The following NECTIN1 variants were observed in gnomAD, a reference collection of about 807,000 sequenced individuals.
NECTIN1 encodes the protein nectin cell adhesion molecule 1.
NECTIN1 carries 23 observed loss-of-function variants against 48.0 expected under a neutral mutation model. That is an observed-to-expected ratio of 0.48 (90% confidence interval 0.34 to 0.68). NECTIN1 has a LOEUF of 0.68. NECTIN1 is among the 30% of genes least tolerant of loss of function. The pLI, the probability that NECTIN1 is intolerant of heterozygous loss-of-function variation, is 0.01. For missense variants in NECTIN1, 591 were observed against 709.9 expected (o/e 0.83, Z 1.90); for synonymous variants, 270 against 288.9 (o/e 0.93, Z 0.66).
intron 1 of NECTIN1, among the ~76,000 whole-genome samples, chr11:119,697,209 A>AG (rs1216910038): frequency 1.3e-5 from 2 of 152,058 alleles, no homozygotes; most frequent in Admixed American, 6.5e-5. Context: ...CAGCCGAGAG[A>AG]GGGGGGTAGG....
intron 1 of NECTIN1, among the ~76,000 whole-genome samples, chr11:119,701,846 C>T (rs1865459578): frequency 6.6e-6 from 1 of 152,180 alleles, no homozygotes; most frequent in African/African-American, 2.4e-5. Flanking sequence ...CCAAATCCAC[C>T]TGCCTCCGCC....
At chr11:119,652,560 A>G (rs896730669) in intron 5 of NECTIN1, among the ~76,000 whole-genome samples, 1 of 152,182 alleles carries the variant, frequency 6.6e-6, no homozygotes, top group African/African-American at 2.4e-5. Context: ...AAAATCCTAC[A>G]TCTCTGATAG....
chr11:119,674,706 C>T (rs1565386428), intron 5 of NECTIN1: 9 of 1,614,170 alleles, frequency 5.6e-6, no homozygotes, highest in African/African-American at 1.3e-5. Context: ...GCTACATCTT[C>T]GCTTTCTCTC....
chr11:119,645,585 C>T (rs955290662), intron 5 of NECTIN1, among the ~76,000 whole-genome samples: 2 of 152,190 alleles, frequency 1.3e-5, no homozygotes, highest in Non-Finnish European at 2.9e-5. Flanking sequence ...AGGCTAAGCT[C>T]CTCAGCCTGT....
At chr11:119,680,902 T>C (rs1865049955) in intron 1 of NECTIN1, among the ~76,000 whole-genome samples, 1 of 152,094 alleles carries the variant, frequency 6.6e-6, no homozygotes, top group South Asian at 2.1e-4. Flanking sequence ...CAGCCACGAG[T>C]TGGGAAGGCT....
chr11:119,700,263 G>A (rs1265871122), intron 1 of NECTIN1, among the ~76,000 whole-genome samples: 1 of 152,192 alleles, frequency 6.6e-6, no homozygotes, highest in Non-Finnish European at 1.5e-5. Context: ...TCCCCTGGAA[G>A]GTTGCCCGTT....
chr11:119,657,614 T>TA (rs58262698), downstream of NECTIN1, among the ~76,000 whole-genome samples: 5,419 of 37,650 alleles, frequency 0.14, 434 homozygotes, highest in African/African-American at 0.25. Flanking sequence ...ACTTTGTCTT[T>TA]AAAAAAAAAA....
At chr11:119,691,598 GA>G (rs1251401698) in intron 1 of NECTIN1, among the ~76,000 whole-genome samples, 2 of 152,250 alleles carry the variant, frequency 1.3e-5, no homozygotes, top group Non-Finnish European at 1.5e-5. Context: ...CCAGTGCCCA[GA>G]AGGCTGAAAG....
Position 119,677,764 on chromosome 11 carries a change from G to C in NECTIN1, c.524C>G (p.Ala175Gly). 1 of 1,614,122 alleles carries C rather than the reference G, an allele frequency of 6.2e-7. No individual in the cohort carries two copies. Among genetic ancestry groups the C allele is most frequent in the Non-Finnish European group, 8.5e-7 (1 of 1,180,014 alleles). The change falls in exon 3 of 6, where the codon GCC becomes GGC. Residue 175 changes from alanine to glycine, a missense_variant. Transcript: ENST00000264025. The surrounding 1 kb of genome is among the most constrained non-coding windows in gnomAD (Gnocchi z 5.4). ...DKVLVATCTS[A>G]NGKPPSVVSW... ...TACCACACTGGGAGGCTTCCCATTGGCTGAGGTGCAGGTGGCCACCAGGAC... is the reference window on the plus strand; with the variant it reads ...TACCACACTGGGAGGCTTCCCATTGCCTGAGGTGCAGGTGGCCACCAGGAC...
Position 119,678,472 on chromosome 11 carries a change from C to T in NECTIN1, c.373G>A (p.Glu125Lys), listed in dbSNP as rs1163551430. The change falls in exon 2 of 6, where the codon GAG becomes AAG. Residue 125 changes from glutamate to lysine, a missense_variant. Transcript: ENST00000264025. This position sits in a 1 kb window ranked among gnomAD's most constrained non-coding sequence, Gnocchi z 4.4. ...ELEDEGVYICEFATFPTGNRE... is the reference protein window; with the variant it reads ...ELEDEGVYICKFATFPTGNRE... The stretch of plus-strand genomic sequence containing the variant: ...TTGCCCGTAGGGAAGGTAGCAAACT[C>T]GCAGATGTAGACACCCTCATCCTCC... 1.9e-6 allele frequency: 3 copies of T among 1,614,228 alleles called. No individual in the cohort carries two copies. The highest frequency in any genetic ancestry group is 1.6e-4 in the Middle Eastern group (1 of 6,062).
intron 1 of NECTIN1, among the ~76,000 whole-genome samples, chr11:119,693,714 C>G (rs746432503): frequency 3.3e-5 from 5 of 152,204 alleles, no homozygotes; most frequent in Non-Finnish European, 7.3e-5. Context: ...CTCCAACACA[C>G]CTCTAATGTT....
rs371706750 is a variant in NECTIN1, at chr11:119,709,094, C to T, written c.79+19381G>A. Among the ~76,000 whole-genome samples the T allele has an allele frequency of 6.6e-5, 10 of 152,208 alleles. No individual in the cohort carries two copies. In the East Asian group the frequency reaches 9.7e-4, roughly 15 times the overall value. ...TAGCCAACATATCGCACATATCCTG[C>T]ATGAGATGCCTGGGACCAGAGCGAC... On this transcript the variant is annotated intron_variant, in intron 1 of 5. Coordinates refer to ENST00000264025, the MANE Select transcript of NECTIN1 (RefSeq NM_002855.5). This position sits in a 1 kb window ranked among gnomAD's most constrained non-coding sequence, Gnocchi z 4.1.
chr11:119,676,951 G>A, intron 4 of NECTIN1, 151 bp downstream of exon 4: 1 of 705,366 alleles, frequency 1.4e-6, no homozygotes, highest in South Asian at 1.5e-5. Flanking sequence ...TTGGGGGTGG[G>A]GGTTGTTCTC....
chr11:119,703,239 T>C (rs1015710361), intron 1 of NECTIN1, among the ~76,000 whole-genome samples: 24 of 152,222 alleles, frequency 1.6e-4, no homozygotes, highest in Admixed American at 1.6e-3. Flanking sequence ...TGAGAAATGC[T>C]CCTGGCAGAG....
chr11:119,651,152 C>T (rs1864484830), intron 5 of NECTIN1, among the ~76,000 whole-genome samples: 1 of 152,120 alleles, frequency 6.6e-6, no homozygotes, highest in South Asian at 2.1e-4. Context: ...AATTTGACCT[C>T]TGGGAGGTAA....
chr11:119,700,056 G>A (rs1313960294), intron 1 of NECTIN1, among the ~76,000 whole-genome samples: 1 of 152,240 alleles, frequency 6.6e-6, no homozygotes, highest in African/African-American at 2.4e-5. Context: ...AGGCACTGTA[G>A]CGACAACCGT....
At chr11:119,698,562 T>C (rs1214122361) in intron 1 of NECTIN1, among the ~76,000 whole-genome samples, 1 of 152,102 alleles carries the variant, frequency 6.6e-6, no homozygotes, top group Non-Finnish European at 1.5e-5. Context: ...TTCCTCCCCA[T>C]AAGGAGAGAG....
chr11:119,686,912 C>T (rs1037264630), intron 1 of NECTIN1, among the ~76,000 whole-genome samples: 1 of 152,188 alleles, frequency 6.6e-6, no homozygotes, highest in Non-Finnish European at 1.5e-5. Flanking sequence ...GTGCCTGGCA[C>T]ATGGGAAACA....
chr11:119,702,173 C>T (rs1475198555), intron 1 of NECTIN1, among the ~76,000 whole-genome samples: 2 of 152,196 alleles, frequency 1.3e-5, no homozygotes, highest in African/African-American at 4.8e-5. Context: ...CATCTCTAGA[C>T]ACTGGAGGGG....
Sources: allele counts gnomAD v4.1 joint callset (sites outside exome capture counted in the v4.1 genomes callset), GRCh38; gene constraint gnomAD v4.1.1; non-coding constraint Gnocchi (gnomAD v3.1); transcripts MANE v1.5; gene names NCBI Gene and HGNC (gene_info 2026-07-23, HGNC 2026-07-21).